The following ADCY2 variants were observed in gnomAD, a reference collection of about 807,000 sequenced individuals.
ADCY2 encodes the protein adenylate cyclase 2.
Under a neutral mutation model 125.2 loss-of-function variants are expected in ADCY2, and 31 were observed. The observed-to-expected ratio is 0.25, with a 90% CI of 0.19 to 0.33. The LOEUF is 0.33. Ranked by LOEUF, ADCY2 falls within the 10% of genes least tolerant of loss-of-function variation. The pLI is 1.00. For synonymous variants in ADCY2, 512 were observed against 548.4 expected, an observed-to-expected ratio of 0.93 and a Z score of 0.93; for missense variants, 904 against 1,418.2, an observed-to-expected ratio of 0.64 and a Z score of 5.82.
chr5:7,503,788 C>G (rs1320356783), intron 2 of ADCY2, among the ~76,000 whole-genome samples: 3 of 152,192 alleles, frequency 2.0e-5, no homozygotes, highest in Non-Finnish European at 4.4e-5. Flanking sequence ...ACTCACGCAA[C>G]AAGAGCACAT....
chr5:7,693,492 C>T (rs1740787252), intron 5 of ADCY2, among the ~76,000 whole-genome samples: 2 of 146,722 alleles, frequency 1.4e-5, no homozygotes, highest in Admixed American at 1.4e-4. Context: ...AATCTCGGCT[C>T]ACTGCAACCT....
intron 15 of ADCY2, among the ~76,000 whole-genome samples, chr5:7,750,681 A>G (rs1485957035): frequency 6.6e-6 from 1 of 151,516 alleles, no homozygotes; most frequent in Non-Finnish European, 1.5e-5. Context: ...ACAGGATTCC[A>G]TAATTTCCTG....
At chr5:7,553,860 C>G (rs913249370) in intron 3 of ADCY2, among the ~76,000 whole-genome samples, 6 of 152,130 alleles carry the variant, frequency 3.9e-5, no homozygotes, top group African/African-American at 1.2e-4. Flanking sequence ...CAGTGGGACA[C>G]AGAGCTAGAA....
intron 18 of ADCY2, among the ~76,000 whole-genome samples, chr5:7,777,647 T>C (rs1224343280): frequency 6.6e-6 from 1 of 152,252 alleles, no homozygotes; most frequent in African/African-American, 2.4e-5. Context: ...TGCATGTGAC[T>C]TCGTCATGGC....
intron 3 of ADCY2, among the ~76,000 whole-genome samples, chr5:7,529,275 G>A (rs1734567173): frequency 6.6e-6 from 1 of 152,174 alleles, no homozygotes; most frequent in African/African-American, 2.4e-5. Context: ...TGGGCCAGGT[G>A]CATAGTTAGT....
rs1333462012 is a variant in ADCY2 at position 7,575,804 on chromosome 5, TA to T, written c.571-50355del. Among the ~76,000 whole-genome samples, 21 of 151,874 alleles carry T rather than the reference TA, an allele frequency of 1.4e-4. No homozygotes were observed. In the East Asian group the frequency reaches 1.9e-3, roughly 14 times the overall value. On this transcript the variant is annotated intron_variant, in intron 3 of 24. Coordinates refer to ENST00000338316, the MANE Select transcript of ADCY2 (RefSeq NM_020546.3). ...TAACAAAATGTTCTAACACCAATGC[TA>T]AAAAAAACCCCTATAATTTAGTGTA...
At chr5:7,546,044 G>A (rs1426954429) in intron 3 of ADCY2, among the ~76,000 whole-genome samples, 1 of 152,140 alleles carries the variant, frequency 6.6e-6, no homozygotes, top group Admixed American at 6.5e-5. Context: ...TTAAAGATAA[G>A]CTTCTTCCCT....
intron 2 of ADCY2, among the ~76,000 whole-genome samples, chr5:7,421,082 C>T (rs527561181): frequency 2.0e-5 from 3 of 152,188 alleles, no homozygotes; most frequent in Non-Finnish European, 4.4e-5. Flanking sequence ...CTGTGGCGCC[C>T]ACCAGTCCCA....
At chr5:7,814,850 C>T (rs1745058992) in intron 22 of ADCY2, among the ~76,000 whole-genome samples, 1 of 152,186 alleles carries the variant, frequency 6.6e-6, no homozygotes, top group East Asian at 1.9e-4. Context: ...TGGGCTCCAA[C>T]GCTCATCTCA....
At chr5:7,670,270 A>G (rs1231365255) in intron 4 of ADCY2, among the ~76,000 whole-genome samples, 2 of 152,178 alleles carry the variant, frequency 1.3e-5, no homozygotes, top group Admixed American at 1.3e-4. Context: ...GCCTCTTTCT[A>G]ACCAGTTTGA....
intron 3 of ADCY2, among the ~76,000 whole-genome samples, chr5:7,559,546 A>G (rs1392067836): frequency 6.6e-6 from 1 of 152,186 alleles, no homozygotes; most frequent in Non-Finnish European, 1.5e-5. Flanking sequence ...ACTTTGCTGA[A>G]GTTATTTATC....
chr5:7,522,930 A>G (rs1744509221), intron 3 of ADCY2, among the ~76,000 whole-genome samples: 2 of 151,950 alleles, frequency 1.3e-5, no homozygotes, highest in South Asian at 2.1e-4. Context: ...CGTCTCAAAA[A>G]AAAAACAAAA....
chr5:7,531,272 G>A (rs1228888949), intron 3 of ADCY2, among the ~76,000 whole-genome samples: 1 of 152,118 alleles, frequency 6.6e-6, no homozygotes, highest in African/African-American at 2.4e-5. Flanking sequence ...CAGGCGACCT[G>A]GAGGGCCGCC....
intron 2 of ADCY2, among the ~76,000 whole-genome samples, chr5:7,467,273 T>C (rs1427396663): frequency 6.6e-6 from 1 of 152,210 alleles, no homozygotes; most frequent in Non-Finnish European, 1.5e-5. Flanking sequence ...GCAGAACTCT[T>C]GGATGCTGAT....
At chr5:7,807,040 G>C (rs956251031) in intron 22 of ADCY2, among the ~76,000 whole-genome samples, 1 of 152,072 alleles carries the variant, frequency 6.6e-6, no homozygotes, top group South Asian at 2.1e-4. Context: ...CACTTCACCT[G>C]ATCACATCCA....
At chr5:7,545,613 T>G (rs1735123833) in intron 3 of ADCY2, among the ~76,000 whole-genome samples, 1 of 152,202 alleles carries the variant, frequency 6.6e-6, no homozygotes, top group Admixed American at 6.5e-5. Flanking sequence ...GGGGTTTATT[T>G]CTACAGTGTT....
chr5:7,414,371 T>TA (rs1561011972), intron 1 of ADCY2, among the ~76,000 whole-genome samples: 27 of 152,224 alleles, frequency 1.8e-4, no homozygotes, highest in African/African-American at 4.8e-4. Flanking sequence ...TATCCAACAT[T>TA]GGATTATCTA....
intron 12 of ADCY2, among the ~76,000 whole-genome samples, chr5:7,722,330 C>G (rs915171130): frequency 2.6e-5 from 4 of 152,170 alleles, no homozygotes; most frequent in African/African-American, 9.6e-5. Context: ...TTTATTTTCA[C>G]TTCCTTGATT....
intron 3 of ADCY2, among the ~76,000 whole-genome samples, chr5:7,557,180 T>TG (rs781757401): frequency 0.081 from 11,878 of 146,210 alleles, 726 homozygotes; most frequent in Non-Finnish European, 0.12. Context: ...TAATCACACA[T>TG]ATTATATATG....
Sources: allele counts gnomAD v4.1 joint callset (sites outside exome capture counted in the v4.1 genomes callset), GRCh38; gene constraint gnomAD v4.1.1; transcripts MANE v1.5; gene names NCBI Gene and HGNC (gene_info 2026-07-23, HGNC 2026-07-21).